The following RAF1 variants were observed in gnomAD, a reference collection of about 807,000 sequenced individuals.
The protein encoded by RAF1 is RAF proto-oncogene serine/threonine-protein kinase.
RAF1 carries 27 observed loss-of-function variants against 81.1 expected under a neutral mutation model. The observed-to-expected ratio is 0.33, with a 90% CI of 0.25 to 0.46. The LOEUF (loss-of-function observed/expected upper bound fraction) is 0.46, where lower values mean the gene tolerates loss of function less well. RAF1 is among the 20% of genes least tolerant of loss of function. The pLI, the probability that RAF1 is intolerant of heterozygous loss-of-function variation, is 1.00. For synonymous variants in RAF1, 298 were observed against 294.0 expected (o/e 1.01, Z -0.14); for missense variants, 598 against 826.0 (o/e 0.72, Z 3.38).
intron 1 of RAF1, among the ~76,000 whole-genome samples, chr3:12,662,851 G>A (rs1378856346): frequency 6.6e-6 from 1 of 151,984 alleles, no homozygotes; most frequent in East Asian, 1.9e-4. Context: ...ACACTGCATT[G>A]TTTTCACGCC....
chr3:12,626,283 A>T (rs1363273063), intron 1 of RAF1, among the ~76,000 whole-genome samples: 1 of 151,764 alleles, frequency 6.6e-6, no homozygotes, highest in South Asian at 2.1e-4. Flanking sequence ...ATTAAAAAAA[A>T]AATTTTTTTT....
At chr3:12,619,873 G>C (rs1365583901) in intron 1 of RAF1, among the ~76,000 whole-genome samples, 4 of 152,030 alleles carry the variant, frequency 2.6e-5, no homozygotes, top group Admixed American at 2.0e-4. Context: ...ACAAGGTCAG[G>C]AGATCGAGAC....
chr3:12,587,327 A>C (rs2058361515), intron 14 of RAF1: 3 of 529,892 alleles, frequency 5.7e-6, no homozygotes, highest in Non-Finnish European at 3.4e-6. Flanking sequence ...AAGCTTACGG[A>C]AATCTCTCCA....
chr3:12,637,335 G>A (rs1475961041), intron 1 of RAF1, among the ~76,000 whole-genome samples: 2 of 103,644 alleles, frequency 1.9e-5, no homozygotes, highest in Non-Finnish European at 1.8e-5. Context: ...TGTAGGTCTT[G>A]CTTCTATTAA....
At chr3:12,598,499 G>T (rs1467768372) in intron 11 of RAF1, among the ~76,000 whole-genome samples, 2 of 152,050 alleles carry the variant, frequency 1.3e-5, no homozygotes, top group African/African-American at 2.4e-5. Flanking sequence ...CATTTTGAGA[G>T]ACCCAAGAGG....
chr3:12,604,382 G>C (rs1053689771), intron 6 of RAF1, 93 bp from the exon 7 acceptor site: 2 of 1,308,622 alleles, frequency 1.5e-6, no homozygotes, highest in South Asian at 2.5e-5. Context: ...AGATGCTTAA[G>C]GGCAAACTCT....
chr3:12,642,393 C>T (rs962548675), intron 1 of RAF1, among the ~76,000 whole-genome samples: 11 of 150,792 alleles, frequency 7.3e-5, no homozygotes, highest in Admixed American at 2.0e-4. Flanking sequence ...CTTGTAATCC[C>T]AGCTAGTCGG....
rs764719098 is a variant in RAF1 at position 12,600,168 on chromosome 3, T to G, written c.1034A>C (p.Gln345Pro). 1.1e-5 allele frequency: 17 copies of G among 1,614,054 alleles called. No individual in the cohort carries two copies. The highest frequency in any genetic ancestry group is 3.3e-5 in the Admixed American group (2 of 60,004). ...TATACTCACAATTTTGTTTTTCTCC[T>G]GGGTCCCAGATACTGGTGCCCGCTC... Residue 345 changes from glutamine (Q) to proline (P), a missense_variant, in exon 10 of 18, where the codon CAG becomes CCG. Gln to Pro is a moderately conservative substitution (Grantham distance 76, BLOSUM62 -1). This residue lies in a region of RAF1 where 194 missense variants were observed against 202.7 expected (regional missense o/e 0.96). Transcript: ENST00000442415.
intron 1 of RAF1, among the ~76,000 whole-genome samples, chr3:12,621,338 T>C (rs1316828075): frequency 6.6e-6 from 1 of 152,190 alleles, no homozygotes; most frequent in East Asian, 1.9e-4. Context: ...TGAAATGGCC[T>C]AGAATTAAAG....
At chr3:12,651,294 T>C (rs1332895436) in intron 1 of RAF1, among the ~76,000 whole-genome samples, 1 of 152,194 alleles carries the variant, frequency 6.6e-6, no homozygotes, top group Non-Finnish European at 1.5e-5. Context: ...CATACCAATA[T>C]ATATAGATTT....
At chr3:12,636,798 C>A (rs2060046104) in intron 1 of RAF1, among the ~76,000 whole-genome samples, 1 of 151,740 alleles carries the variant, frequency 6.6e-6, no homozygotes, top group Non-Finnish European at 1.5e-5. Flanking sequence ...CAGAGCAAGA[C>A]CTTGTCTCAA....
intron 4 of RAF1, 90 bp from the exon 5 acceptor site, chr3:12,609,013 C>A (rs922323883): frequency 1.3e-5 from 18 of 1,372,866 alleles, no homozygotes; most frequent in Middle Eastern, 1.8e-4. Context: ...AAAGTTTTTA[C>A]AAAATGAATC....
chr3:12,639,876 T>C (rs2060132631), intron 1 of RAF1, among the ~76,000 whole-genome samples: 1 of 152,072 alleles, frequency 6.6e-6, no homozygotes, highest in Non-Finnish European at 1.5e-5. Context: ...TACTTTAAAG[T>C]TCATATGGAA....
At chr3:12,587,841 T>A in intron 13 of RAF1, 2 of 388,124 alleles carry the variant, frequency 5.2e-6, no homozygotes, top group South Asian at 4.9e-5. Context: ...TTACACCTTT[T>A]TTTTTTTTTT....
At chr3:12,587,531 C>A in intron 14 of RAF1, 60 bp downstream of exon 13, 1 of 1,459,460 alleles carries the variant, frequency 6.9e-7, no homozygotes, top group South Asian at 1.1e-5. Context: ...AGAAAGCCTC[C>A]CTTCTGTTTC....
chr3:12,606,822 A>G (rs1363010835), intron 5 of RAF1, among the ~76,000 whole-genome samples: 1 of 152,126 alleles, frequency 6.6e-6, no homozygotes, highest in Non-Finnish European at 1.5e-5. Context: ...GTCATTTAAC[A>G]TTAGGTGTCT....
chr3:12,585,005 C>T, intron 16 of RAF1, 24 bp from the exon 16 acceptor site: 1 of 1,614,016 alleles, frequency 6.2e-7, no homozygotes, highest in Non-Finnish European at 8.5e-7. Context: ...AACAGCTGAG[C>T]TAATGGGGGG....
chr3:12,606,280 T>C lies in RAF1; in HGVS notation c.601A>G (p.Ile201Val), dbSNP rs757700986. Residue 201 changes from isoleucine (I) to valine (V), a missense_variant, in exon 6 of 18, where the codon ATT (isoleucine) becomes GTT (valine). Physicochemically the swap from Ile to Val is conservative, Grantham distance 29. Coordinates refer to ENST00000442415, the MANE Select transcript of RAF1 (RefSeq NM_001354689.3). ...AGTGCTGGGACTCCACTATCACCAATAGTGGAATTTGGAAACAATCTAAAC... is the reference window on the plus strand; with the variant it reads ...AGTGCTGGGACTCCACTATCACCAACAGTGGAATTTGGAAACAATCTAAAC... 25 of 1,613,026 alleles carry C rather than the reference T, an allele frequency of 1.5e-5. No individual in the cohort carries two copies. Among genetic ancestry groups the C allele is most frequent in the Middle Eastern group, 3.3e-4 (2 of 6,062 alleles).
In RAF1 at chr3:12,650,145, CAAAAAA is replaced by C. The variant is rs36098034; in HGVS notation, c.-27+13662_-27+13667del. On this transcript the variant is annotated intron_variant, in intron 1 of 17. Transcript: ENST00000442415. ...CGGGAGACAGTGCGAGACTCCATCT[CAAAAAA>C]AAAAAAAAAAAAAAAAAAAAAAATT... Among the ~76,000 whole-genome samples, 43 of 76,964 alleles carry C rather than the reference CAAAAAA, an allele frequency of 5.6e-4. No homozygotes were observed. In the South Asian group the frequency reaches 0.016, roughly 28 times the overall value. The allele number at this position is 76,964 out of a possible 152,430, so 50.5% of individuals were successfully genotyped here. A position where few individuals can be genotyped will look rare whatever the true frequency, so the allele number is the denominator to read the frequency against.
Sources: allele counts gnomAD v4.1 joint callset (sites outside exome capture counted in the v4.1 genomes callset), GRCh38; gene constraint gnomAD v4.1.1; regional missense constraint gnomAD v4.1.1; transcripts MANE v1.5; gene names NCBI Gene and HGNC (gene_info 2026-07-23, HGNC 2026-07-21).